The following EPHB1 variants were observed in gnomAD, a reference collection of about 807,000 sequenced individuals.
The protein encoded by EPHB1 is ephrin type-B receptor 1.
Under a neutral mutation model 94.4 loss-of-function variants are expected in EPHB1, and 30 were observed. That is an observed-to-expected ratio of 0.32 (90% CI 0.24 to 0.43). The LOEUF is 0.43. Among genes scored for constraint, EPHB1 ranks in the 20% least tolerant of loss-of-function variants. EPHB1 has a pLI of 1.00. For missense variants in EPHB1, 1,055 were observed against 1,308.3 expected (o/e 0.81, Z 2.99); for synonymous variants, 522 against 489.1 (o/e 1.07, Z -0.89).
At chr3:134,882,799 T>TTTCTTTCTTTCTTTCTTTCTTTCTTTCC (rs1560280677) in intron 1 of EPHB1, among the ~76,000 whole-genome samples, 1 of 73,012 alleles carries the variant, frequency 1.4e-5, no homozygotes, top group Non-Finnish European at 3.1e-5. Context: ...TCTTTCTTTC[T>TTTCTTTCTTTCTTTCTTTCTTTCTTTCC]TTCTTTCTTT....
intron 3 of EPHB1, among the ~76,000 whole-genome samples, chr3:134,994,248 G>A (rs555065934): frequency 8.5e-5 from 13 of 152,200 alleles, no homozygotes; most frequent in Admixed American, 1.3e-4. Flanking sequence ...ACAAATAAGC[G>A]AATGAATGAA....
intron 3 of EPHB1, among the ~76,000 whole-genome samples, chr3:135,008,655 G>A (rs1460794460): frequency 6.6e-6 from 1 of 152,216 alleles, no homozygotes. Flanking sequence ...TTGCTGCTAT[G>A]AGGAGCAGTT....
intron 12 of EPHB1, among the ~76,000 whole-genome samples, chr3:135,229,202 G>A (rs1009387423): frequency 1.3e-5 from 2 of 152,160 alleles, no homozygotes; most frequent in Non-Finnish European, 2.9e-5. Context: ...GAGCAGCTCC[G>A]TCAGCACTGG....
intron 6 of EPHB1, chr3:135,154,543 C>A (rs1312477920): frequency 1.1e-5 from 4 of 367,436 alleles, no homozygotes; most frequent in Non-Finnish European, 2.0e-5. Context: ...AAGGACCAGT[C>A]CCATTTTTCC....
intron 15 of EPHB1, among the ~76,000 whole-genome samples, chr3:135,257,572 C>A (rs563064037): frequency 5.3e-5 from 8 of 151,994 alleles, no homozygotes; most frequent in South Asian, 4.2e-4. Flanking sequence ...GCAGTCTGCC[C>A]GTTCTCAGAT....
intron 3 of EPHB1, among the ~76,000 whole-genome samples, chr3:135,095,900 C>A (rs1156375534): frequency 3.9e-5 from 6 of 152,204 alleles, no homozygotes; most frequent in Admixed American, 6.5e-5. Flanking sequence ...TTTCCCAAGG[C>A]TCTCCCAGAG....
intron 1 of EPHB1, among the ~76,000 whole-genome samples, chr3:134,922,689 G>A (rs1202681234): frequency 2.6e-5 from 4 of 152,172 alleles, no homozygotes; most frequent in Admixed American, 6.5e-5. Context: ...TGGGGTGGGG[G>A]ATGCATTATT....
At chr3:134,958,686 C>T (rs1303169109) in intron 3 of EPHB1, among the ~76,000 whole-genome samples, 1 of 152,126 alleles carries the variant, frequency 6.6e-6, no homozygotes, top group Non-Finnish European at 1.5e-5. Flanking sequence ...AGAAACCTCT[C>T]GGGCCTCCTC....
intron 5 of EPHB1, among the ~76,000 whole-genome samples, chr3:135,136,347 T>C (rs1020490871): frequency 6.6e-6 from 1 of 152,200 alleles, no homozygotes; most frequent in Non-Finnish European, 1.5e-5. Flanking sequence ...ATTATGTATA[T>C]AGTCATGACT....
At chr3:134,812,922 AT>A (rs1409455938) in intron 1 of EPHB1, among the ~76,000 whole-genome samples, 1 of 151,936 alleles carries the variant, frequency 6.6e-6, no homozygotes, top group South Asian at 2.1e-4. Context: ...ATATTTGTCC[AT>A]TTTTTTTGTT....
At chr3:135,087,968 C>T (rs533118661) in intron 3 of EPHB1, among the ~76,000 whole-genome samples, 9 of 152,306 alleles carry the variant, frequency 5.9e-5, no homozygotes, top group Non-Finnish European at 1.2e-4. Context: ...CACGTTTTTA[C>T]ATCTGGTCAG....
intron 15 of EPHB1, among the ~76,000 whole-genome samples, chr3:135,252,777 T>C (rs1933182844): frequency 7.1e-6 from 1 of 140,590 alleles, no homozygotes; most frequent in Non-Finnish European, 1.6e-5. Context: ...TCTAGATCCC[T>C]GAGGAATCGC....
At chr3:135,243,748 G>A (rs1273198792) in intron 13 of EPHB1, among the ~76,000 whole-genome samples, 1 of 152,192 alleles carries the variant, frequency 6.6e-6, no homozygotes, top group Non-Finnish European at 1.5e-5. Context: ...TGGAGTGCCG[G>A]TAATTAGGCT....
chr3:135,134,179 G>A (rs1228544109), intron 5 of EPHB1, among the ~76,000 whole-genome samples: 1 of 152,208 alleles, frequency 6.6e-6, no homozygotes, highest in African/African-American at 2.4e-5. Flanking sequence ...ATGCTATTTG[G>A]AATTATAGAT....
rs1478700661 is a variant in EPHB1 at position 134,795,682 on chromosome 3, G to C, written c.51G>C (p.Ala17=). 6.2e-7 allele frequency: 1 copy of C among 1,609,978 alleles called. No homozygotes were observed. The highest frequency in any genetic ancestry group is 8.5e-7 in the Non-Finnish European group (1 of 1,178,390). ...TCCTCCTGGCATCCGCAGTGGCTGC[G>C]ATGGAAGGTAACGTACCCTCCACGG... ...LLLLLASAVA[A]MEETLMDTRT... Residue 17 remains alanine (A), a synonymous_variant, in exon 1 of 16, where the codon GCG becomes GCC. Coordinates refer to ENST00000398015, the MANE Select transcript of EPHB1 (RefSeq NM_004441.5).
chr3:135,233,233 A>C (rs776313772), intron 12 of EPHB1, among the ~76,000 whole-genome samples: 1 of 152,254 alleles, frequency 6.6e-6, no homozygotes, highest in African/African-American at 2.4e-5. Context: ...AAAGCAAATT[A>C]GTTACTTCCT....
chr3:135,053,007 ATATATATGTGTG>A (rs1937228770), intron 3 of EPHB1, among the ~76,000 whole-genome samples: 6 of 33,916 alleles, frequency 1.8e-4, no homozygotes, highest in Admixed American at 4.3e-4. Flanking sequence ...ATGTGTGTGT[ATATATATGTGTG>A]TGTGTGTGTA....
chr3:135,018,971 G>T (rs1935898760), intron 3 of EPHB1, among the ~76,000 whole-genome samples: 1 of 151,890 alleles, frequency 6.6e-6, no homozygotes. Flanking sequence ...CCTTGGAGAG[G>T]CATGAGGCAG....
At chr3:134,980,456 C>G (rs1934360238) in intron 3 of EPHB1, among the ~76,000 whole-genome samples, 2 of 122,864 alleles carry the variant, frequency 1.6e-5, no homozygotes. Flanking sequence ...AGATAGATGC[C>G]ACTTCCTAAT....
Sources: gnomAD v4.1 joint callset for allele counts (sites outside exome capture counted in the v4.1 genomes callset) on GRCh38, gnomAD v4.1.1 for gene constraint, MANE v1.5 for transcripts, NCBI Gene and HGNC (gene_info 2026-07-23, HGNC 2026-07-21) for gene names.